The following BORCS8 variants were observed in gnomAD, a reference collection of about 807,000 sequenced individuals.
BORCS8 encodes BLOC-1 related complex subunit 8, also known as BLOC-1-related complex subunit 8.
Under a neutral mutation model 18.7 loss-of-function variants are expected in BORCS8, and 13 were observed. The ratio of observed to expected loss-of-function variants is 0.70; its 90% CI spans 0.45 to 1.11. The LOEUF is 1.11. BORCS8 is among the 50% of genes least tolerant of loss of function. The pLI, the probability that BORCS8 is intolerant of heterozygous loss-of-function variation, is 0.00. For missense variants in BORCS8, 165 were observed against 165.7 expected, an observed-to-expected ratio of 1.00 and a Z score of 0.02; for synonymous variants, 68 against 64.8, an observed-to-expected ratio of 1.05 and a Z score of -0.24.
chr19:19,182,184 C>T lies in BORCS8; in HGVS notation c.326+389G>A, dbSNP rs553199984. 11 of 448,066 alleles carry T rather than the reference C, an allele frequency of 2.5e-5. No individual in the cohort carries two copies. The highest frequency in any genetic ancestry group is 1.8e-4 in the Admixed American group (3 of 16,912). The allele number at this position is 448,066 out of a possible 1,614,324, so 27.8% of individuals were successfully genotyped here. ...CTCACCACTGCCCCACATGGAACTC[C>T]GTCTGCCCCCGGATCGTCTCTGTCT... On this transcript the variant is annotated intron_variant, in intron 4 of 5. Coordinates refer to ENST00000462790, the MANE Select transcript of BORCS8 (RefSeq NM_001145784.2). The surrounding 1 kb of genome is among the most constrained non-coding windows in gnomAD (Gnocchi z 4.1).
At chr19:19,184,409 C>G (rs2060386555) in intron 3 of BORCS8, among the ~76,000 whole-genome samples, 1 of 148,774 alleles carries the variant, frequency 6.7e-6, no homozygotes, top group South Asian at 2.1e-4. Context: ...GGGTTCATGC[C>G]ATTCTCCTGC....
At chr19:19,183,861 C>T (rs1029158466) in intron 3 of BORCS8, among the ~76,000 whole-genome samples, 8 of 151,396 alleles carry the variant, frequency 5.3e-5, no homozygotes, top group Non-Finnish European at 1.0e-4. Context: ...TGAGCCACTG[C>T]GCTCAGCCTC....
Position 19,186,036 on chromosome 19 carries a change from G to A in BORCS8, c.213C>T (p.Cys71=). The change falls in exon 3 of 6, where the codon TGC becomes TGT. Residue 71 remains cysteine (C), a splice_region_variant and synonymous_variant. Transcript: ENST00000462790. The stretch of plus-strand genomic sequence containing the variant: ...AGCGGGGAGGCTGTGGCGCTCACCT[G>A]CAGGCGTACTCCACAGTGTAGATGG... ...QGAIYTVEYA[C]SAVKNLVDSS... The A allele has an allele frequency of 6.4e-7, 1 of 1,550,830 alleles. No individual in the cohort carries two copies. The highest frequency in any genetic ancestry group is 8.7e-7 in the Non-Finnish European group (1 of 1,146,936).
intron 5 of BORCS8, chr19:19,180,314 G>A (rs367949436): frequency 1.2e-5 from 3 of 246,484 alleles, no homozygotes; most frequent in South Asian, 5.5e-5. Context: ...TGCCCATGCC[G>A]GGCTCTGCCT....
intron 1 of BORCS8, 109 bp downstream of exon 1, chr19:19,191,972 C>G: frequency 7.6e-7 from 1 of 1,318,088 alleles, no homozygotes; most frequent in Non-Finnish European, 1.1e-6. Context: ...TGGGATTGGA[C>G]GGCAGTTCAA....
chr19:19,186,120 T>C, intron 2 of BORCS8, 22 bp from the exon 3 acceptor site: 1 of 1,551,288 alleles, frequency 6.4e-7, no homozygotes, highest in Non-Finnish European at 8.7e-7. Flanking sequence ...GCAGGAGATA[T>C]TTGGCAAGGG....
In BORCS8 at chr19:19,182,283, G is replaced by T; in HGVS notation, c.326+290C>A. On this transcript the variant is annotated intron_variant, in intron 4 of 5. Transcript: ENST00000462790. The surrounding 1 kb of genome is among the most constrained non-coding windows in gnomAD (Gnocchi z 4.1). ...CAGCGCATCTGACATGCTCTTGTCT[G>T]CCATGTTTACCTGGTTGTCGTATGT... 1.6e-6 allele frequency: 1 copy of T among 632,666 alleles called. No individual in the cohort carries two copies. Among genetic ancestry groups the T allele is most frequent in the Non-Finnish European group, 2.2e-6 (1 of 452,490 alleles). The allele number at this position is 632,666 out of a possible 1,614,324, so 39.2% of individuals were successfully genotyped here. A position where few individuals can be genotyped will look rare whatever the true frequency, so the allele number is the denominator to read the frequency against.
At chr19:19,177,715 AAAGAAAAGAAAAGAAAAGAAAAG>A (rs1568562159) in intron 5 of BORCS8, 2 of 106,038 alleles carry the variant, frequency 1.9e-5, no homozygotes, top group African/African-American at 4.2e-5. Context: ...AAAGAAAAGA[AAAGAAAAGAAAAGAAAAGAAAAG>A]AAAAGAAAAG....
At position 19,176,910 on chromosome 19, in the gene BORCS8, G is replaced by A. The variant is rs1382294103; in HGVS notation, c.*593C>T. ...GCAGAAACGGACTCAAAGCCATTTT[G>A]GCAAAAATCATAATTTAGGGGTCCA... On this transcript the variant is annotated 3_prime_UTR_variant, in exon 6 of 6. Transcript: ENST00000462790. 1 of 152,228 alleles carries A rather than the reference G, an allele frequency of 6.6e-6. No homozygotes were observed. The highest frequency in any genetic ancestry group is 1.5e-5 in the Non-Finnish European group (1 of 68,078). The allele number at this position is 152,228 out of a possible 1,614,324, so 9.4% of individuals were successfully genotyped here. A position where few individuals can be genotyped will look rare whatever the true frequency, so the allele number is the denominator to read the frequency against.
intron 5 of BORCS8, chr19:19,180,446 A>G: frequency 1.8e-6 from 1 of 570,310 alleles, no homozygotes; most frequent in Non-Finnish European, 3.1e-6. Flanking sequence ...ATGGCCTGGA[A>G]AAGAGAGAGG....
In BORCS8 at chr19:19,192,133, G is replaced by A; in HGVS notation, c.-16C>T. 3.9e-6 allele frequency: 6 copies of A among 1,551,158 alleles called. No homozygotes were observed. The highest frequency in any genetic ancestry group is 5.2e-6 in the Non-Finnish European group (6 of 1,146,868). On this transcript the variant is annotated 5_prime_UTR_variant, in exon 1 of 6. Transcript: ENST00000462790. Reference sequence around the variant, plus strand: ...GCTCCTCCATAGCGACCGCGGCCGAGCGAACCGGGAAACGGCACCGGAAGC... The same window carrying A: ...GCTCCTCCATAGCGACCGCGGCCGAACGAACCGGGAAACGGCACCGGAAGC...
At chr19:19,190,131 T>G (rs190099343) in intron 1 of BORCS8, among the ~76,000 whole-genome samples, 2 of 152,214 alleles carry the variant, frequency 1.3e-5, no homozygotes, top group East Asian at 3.9e-4. Context: ...AGATGACCCC[T>G]CCACCTCACG....
intron 3 of BORCS8, among the ~76,000 whole-genome samples, chr19:19,184,845 C>T (rs1365597251): frequency 6.6e-6 from 1 of 152,176 alleles, no homozygotes; most frequent in Non-Finnish European, 1.5e-5. Flanking sequence ...AGTGATCCTC[C>T]CACCTCAGAC....
Position 19,186,888 on chromosome 19 carries a change from C to T in BORCS8, c.150+5G>A, listed in dbSNP as rs1428012332. ...CCCTGCTCCTCCCAGCAGGCCCCAG[C>T]TCACCTTGTGCTGGGCCAGCTCGGG... is the stretch of plus-strand genomic sequence containing the variant. On this transcript the variant is annotated splice_donor_5th_base_variant and intron_variant, in intron 2 of 5. Transcript: ENST00000462790. 6.5e-7 allele frequency: 1 copy of T among 1,540,434 alleles called. No homozygotes were observed. Among genetic ancestry groups the T allele is most frequent in the Non-Finnish European group, 8.8e-7 (1 of 1,141,356 alleles).
chr19:19,180,334 T>G (rs2060336060), intron 5 of BORCS8: 1 of 318,244 alleles, frequency 3.1e-6, no homozygotes, highest in African/African-American at 2.2e-5. Flanking sequence ...TGAGAGACTG[T>G]GCACGGGTAA....
At chr19:19,180,901 G>C in intron 4 of BORCS8, 140 bp from the exon 5 acceptor site, 2 of 861,848 alleles carry the variant, frequency 2.3e-6, no homozygotes, top group South Asian at 1.8e-5. Flanking sequence ...CTGCTTAAAA[G>C]TGGGATGAGT....
intron 5 of BORCS8, chr19:19,180,357 G>C: frequency 2.8e-6 from 1 of 361,740 alleles, no homozygotes; most frequent in Non-Finnish European, 5.1e-6. Flanking sequence ...CAGGCTGCTG[G>C]CACGTGGTAG....
intron 1 of BORCS8, among the ~76,000 whole-genome samples, chr19:19,189,368 T>C (rs1387015148): frequency 6.6e-6 from 1 of 152,192 alleles, no homozygotes; most frequent in Non-Finnish European, 1.5e-5. Flanking sequence ...CTTCCCCTGC[T>C]GCCAACAGTT....
In BORCS8 at chr19:19,180,776, G is replaced by A; in HGVS notation, c.327-15C>T. 1.3e-6 allele frequency: 2 copies of A among 1,543,648 alleles called. No individual in the cohort carries two copies. Among genetic ancestry groups the A allele is most frequent in the Non-Finnish European group, 1.7e-6 (2 of 1,142,994 alleles). On this transcript the variant is annotated splice_polypyrimidine_tract_variant and intron_variant, in intron 4 of 5. Transcript: ENST00000462790. ...GTTCCTCCGGGCTGCAACAAAACAT[G>A]TGCAGCATCCATGAGGCCAAGGTCA...
Sources: gnomAD v4.1 joint callset for allele counts (sites outside exome capture counted in the v4.1 genomes callset) on GRCh38, gnomAD v4.1.1 for gene constraint, Gnocchi (gnomAD v3.1) non-coding constraint, MANE v1.5 for transcripts, NCBI Gene and HGNC (gene_info 2026-07-23, HGNC 2026-07-21) for gene names.